The following C5orf63 variants were observed in gnomAD, a reference collection of about 807,000 sequenced individuals.
C5orf63 encodes chromosome 5 open reading frame 63.
In C5orf63, 18 loss-of-function variants were observed where a neutral mutation model predicts 13.3. The ratio of observed to expected loss-of-function variants is 1.36; its 90% CI spans 0.94 to 2.01. The LOEUF (loss-of-function observed/expected upper bound fraction) is 2.01, where lower values mean the gene tolerates loss of function less well. Ranked by LOEUF, C5orf63 falls within the 30% of genes most tolerant of loss-of-function variation. C5orf63 has a pLI of 0.00. For synonymous variants in C5orf63, 38 were observed against 44.7 expected (o/e 0.85, Z 0.60); for missense variants, 118 against 127.7 (o/e 0.92, Z 0.36).
downstream of C5orf63, among the ~76,000 whole-genome samples, chr5:127,051,062 T>A (rs1009293609): frequency 1.3e-5 from 2 of 152,228 alleles, no homozygotes; most frequent in African/African-American, 4.8e-5. Flanking sequence ...TAAGTTGAAT[T>A]AACTCAATTG....
At chr5:127,048,072 G>C (rs1377404437), downstream of C5orf63, among the ~76,000 whole-genome samples, 3 of 152,056 alleles carry the variant, frequency 2.0e-5, no homozygotes, top group Non-Finnish European at 4.4e-5. Context: ...AATTACTGGC[G>C]ATGTCTTGCC....
rs569524116 is a variant in C5orf63, at chr5:127,061,401, A to G, written c.-7-2399T>C. Among the ~76,000 whole-genome samples, 3 of 152,314 alleles carry G rather than the reference A, an allele frequency of 2.0e-5. No homozygotes were observed. The East Asian group carries it at 5.8e-4, about 29-fold the overall frequency. On this transcript the variant is annotated intron_variant, in intron 2 of 4. Coordinates refer to ENST00000296662, the MANE Select transcript of C5orf63 (RefSeq NM_001164478.2). Reference sequence around the variant, plus strand: ...GACTGGATACTGATCCATGAAAACAATGATTATTCCCTTATTCTTCAGCCC... The same window carrying G: ...GACTGGATACTGATCCATGAAAACAGTGATTATTCCCTTATTCTTCAGCCC...
chr5:127,052,023 C>T, intron 4 of C5orf63, 76 bp from the exon 5 acceptor site: 4 of 1,119,242 alleles, frequency 3.6e-6, no homozygotes, highest in Non-Finnish European at 4.7e-6. Context: ...AAACTGATCC[C>T]CAGACCATTT....
At chr5:127,059,913 A>C (rs79091028) in intron 2 of C5orf63, among the ~76,000 whole-genome samples, 2,024 of 152,150 alleles carry the variant, frequency 0.013, 38 homozygotes, top group African/African-American at 0.047. Context: ...TGGGAGGCCA[A>C]GGCATCACCT....
chr5:127,060,645 T>A (rs1025129416), intron 2 of C5orf63, among the ~76,000 whole-genome samples: 10 of 152,258 alleles, frequency 6.6e-5, no homozygotes, highest in African/African-American at 1.9e-4. Context: ...TCCCTTGCCT[T>A]GGCAAGTTGC....
chr5:127,068,746 G>C (rs1275273143), intron 2 of C5orf63, among the ~76,000 whole-genome samples: 1 of 152,128 alleles, frequency 6.6e-6, no homozygotes, highest in African/African-American at 2.4e-5. Context: ...CCAGATCATT[G>C]CTTTGGAGGA....
chr5:127,054,786 G>A (rs1305376422), intron 3 of C5orf63, among the ~76,000 whole-genome samples: 1 of 152,146 alleles, frequency 6.6e-6, no homozygotes, highest in African/African-American at 2.4e-5. Context: ...ATTGCTTTTG[G>A]TGTTTTAGTC....
intron 3 of C5orf63, among the ~76,000 whole-genome samples, chr5:127,057,691 C>G (rs1313886659): frequency 6.6e-6 from 1 of 152,174 alleles, no homozygotes; most frequent in East Asian, 1.9e-4. Flanking sequence ...ATTTCAGTTA[C>G]CCAAAGCATT....
intron 2 of C5orf63, among the ~76,000 whole-genome samples, chr5:127,069,641 T>TGATAACAGTAAGACCCAGG: frequency 6.6e-6 from 1 of 152,354 alleles, no homozygotes; most frequent in African/African-American, 2.4e-5. Flanking sequence ...CCTGGACTTG[T>TGATAACAGTAAGACCCAGG]GATAACAGTA....
intron 4 of C5orf63, 95 bp from the exon 5 acceptor site, chr5:127,052,042 A>G (rs73339251): frequency 0.058 from 57,846 of 996,952 alleles, 3,060 homozygotes; most frequent in African/African-American, 0.23. Context: ...TTCTAATGCC[A>G]TTTTCCTTAT....
At chr5:127,047,719 C>G (rs1310687506), downstream of C5orf63, 1 of 703,954 alleles carries the variant, frequency 1.4e-6, no homozygotes, top group South Asian at 1.5e-5. Context: ...CTTGAACATT[C>G]TCAGGCAATA....
intron 3 of C5orf63, chr5:127,058,649 A>ATTTTTTTTTTT: frequency 2.2e-6 from 1 of 455,318 alleles, no homozygotes; most frequent in African/African-American, 2.0e-5. Context: ...CCTATACTTC[A>ATTTTTTTTTTT]TTTTTTTCAA....
chr5:127,047,936 G>T, downstream of C5orf63: 1 of 665,724 alleles, frequency 1.5e-6, no homozygotes, highest in Non-Finnish European at 2.7e-6. Flanking sequence ...AAGAAAAAGT[G>T]GAGAGGGGTG....
rs181715907 is a variant in C5orf63 at position 127,069,609 on chromosome 5, G to A, written c.-8+1975C>T. On this transcript the variant is annotated intron_variant, in intron 2 of 4. Coordinates refer to ENST00000296662, the MANE Select transcript of C5orf63 (RefSeq NM_001164478.2). ...TTTGTAGCAAGTGACTTTGGACATT[G>A]AGTTGCTAAATCCAGCATTTCCCTG... 1.5e-4 allele frequency among the ~76,000 whole-genome samples: 23 copies of A among 152,290 alleles called. 1 individual carries two copies. Among genetic ancestry groups the A allele is most frequent in the Admixed American group, 1.5e-3 (23 of 15,294 alleles).
chr5:127,048,916 G>A (rs1056822443), downstream of C5orf63, among the ~76,000 whole-genome samples: 8 of 152,182 alleles, frequency 5.3e-5, no homozygotes, highest in African/African-American at 1.4e-4. Flanking sequence ...TGGTGGTCTA[G>A]GAGAAGAATC....
chr5:127,068,242 T>C (rs80075527), intron 2 of C5orf63, among the ~76,000 whole-genome samples: 1 of 152,198 alleles, frequency 6.6e-6, no homozygotes, highest in African/African-American at 2.4e-5. Context: ...GCCATGGGAA[T>C]AGTCTATGAC....
At chr5:127,052,584 T>C in intron 4 of C5orf63, 29 bp downstream of exon 4, 1 of 1,405,452 alleles carries the variant, frequency 7.1e-7, no homozygotes, top group Non-Finnish European at 9.3e-7. Context: ...GCAATCCATA[T>C]ACATAAAAGC....
intron 2 of C5orf63, among the ~76,000 whole-genome samples, chr5:127,064,116 T>C (rs1162384789): frequency 6.6e-6 from 1 of 152,124 alleles, no homozygotes; most frequent in Non-Finnish European, 1.5e-5. Context: ...GAACCTAGCC[T>C]GGGATCTTGG....
At chr5:127,049,995 C>G (rs1265437582), downstream of C5orf63, among the ~76,000 whole-genome samples, 3 of 152,182 alleles carry the variant, frequency 2.0e-5, no homozygotes, top group Non-Finnish European at 4.4e-5. Flanking sequence ...CCATGTGGTT[C>G]CACTAGGCAA....
Sources: allele counts gnomAD v4.1 joint callset (sites outside exome capture counted in the v4.1 genomes callset), GRCh38; gene constraint gnomAD v4.1.1; transcripts MANE v1.5; gene names NCBI Gene and HGNC (gene_info 2026-07-23, HGNC 2026-07-21).